The following KCNQ3 variants were observed in gnomAD, a reference collection of about 807,000 sequenced individuals.
KCNQ3 encodes the protein potassium voltage-gated channel subfamily Q member 3, also known as potassium voltage-gated channel subfamily KQT member 3.
In KCNQ3, 30 loss-of-function variants were observed where a neutral mutation model predicts 92.5. That is an observed-to-expected ratio of 0.32 (90% confidence interval 0.24 to 0.44). The LOEUF (loss-of-function observed/expected upper bound fraction) is 0.44, where lower values mean the gene tolerates loss of function less well. KCNQ3 is among the 20% of genes least tolerant of loss of function. The pLI, the probability that KCNQ3 is intolerant of heterozygous loss-of-function variation, is 1.00. For missense variants in KCNQ3, 913 were observed against 1,140.3 expected (o/e 0.80, Z 2.87); for synonymous variants, 450 against 468.8 (o/e 0.96, Z 0.52).
intron 1 of KCNQ3, among the ~76,000 whole-genome samples, chr8:132,474,669 C>T (rs1402011221): frequency 2.0e-5 from 3 of 152,120 alleles, no homozygotes; most frequent in Non-Finnish European, 2.9e-5. Context: ...TCAGCAAATG[C>T]TTACTTAGTA....
chr8:132,443,923 C>T (rs1219496021), intron 1 of KCNQ3, among the ~76,000 whole-genome samples: 1 of 152,168 alleles, frequency 6.6e-6, no homozygotes, highest in African/African-American at 2.4e-5. Flanking sequence ...TTGTTCTCAG[C>T]ACTTTATAAA....
intron 1 of KCNQ3, among the ~76,000 whole-genome samples, chr8:132,302,765 C>T (rs996611393): frequency 2.6e-5 from 4 of 152,302 alleles, no homozygotes; most frequent in Non-Finnish European, 5.9e-5. Flanking sequence ...GATGTTGAGT[C>T]ATAATGGCTC....
intron 1 of KCNQ3, among the ~76,000 whole-genome samples, chr8:132,404,450 A>G (rs562320560): frequency 6.2e-4 from 95 of 152,364 alleles, no homozygotes; most frequent in African/African-American, 2.2e-3. Context: ...GAAAGTATCC[A>G]AGATAATCAG....
At chr8:132,351,188 C>T (rs1818852763) in intron 1 of KCNQ3, among the ~76,000 whole-genome samples, 2 of 152,184 alleles carry the variant, frequency 1.3e-5, no homozygotes, top group South Asian at 4.1e-4. Flanking sequence ...AATCCTCAAT[C>T]CCCAAGGCTG....
chr8:132,348,690 A>T (rs940663313), intron 1 of KCNQ3, among the ~76,000 whole-genome samples: 1 of 152,200 alleles, frequency 6.6e-6, no homozygotes, highest in Admixed American at 6.5e-5. Context: ...GGGCTCTGTC[A>T]TCTGATTCCA....
chr8:132,415,005 G>A (rs181955688), intron 1 of KCNQ3, among the ~76,000 whole-genome samples: 20 of 152,332 alleles, frequency 1.3e-4, no homozygotes, highest in African/African-American at 4.8e-4. Flanking sequence ...AGAGACACTT[G>A]GCAGTTATCG....
intron 1 of KCNQ3, among the ~76,000 whole-genome samples, chr8:132,214,522 G>C (rs1401710540): frequency 1.3e-5 from 2 of 152,152 alleles, no homozygotes; most frequent in African/African-American, 4.8e-5. Context: ...CTGCCTGTTT[G>C]TTCACCCTTG....
At chr8:132,257,457 C>G (rs930404844) in intron 1 of KCNQ3, among the ~76,000 whole-genome samples, 1 of 151,938 alleles carries the variant, frequency 6.6e-6, no homozygotes, top group Non-Finnish European at 1.5e-5. Context: ...ATAAGAGACA[C>G]AGTTTAGGCC....
At chr8:132,403,498 T>G (rs990760417) in intron 1 of KCNQ3, among the ~76,000 whole-genome samples, 1 of 152,196 alleles carries the variant, frequency 6.6e-6, no homozygotes, top group Admixed American at 6.5e-5. Flanking sequence ...ATTGGGGTGT[T>G]AAGCAGCATG....
At chr8:132,212,116 C>G (rs1255218170) in intron 1 of KCNQ3, among the ~76,000 whole-genome samples, 1 of 152,092 alleles carries the variant, frequency 6.6e-6, no homozygotes, top group Non-Finnish European at 1.5e-5. Context: ...GTGCTAAACA[C>G]AGAGCAGGTG....
At position 132,480,688 on chromosome 8, in the gene KCNQ3, G is replaced by A. The variant is rs886062699; in HGVS notation, c.-156C>T. ...CCTCCCCACCCCCCCCCAAAAGCAGGCAAAGGCGGGCCCCCTGGGGGGCAG... is the reference window on the plus strand; with the variant it reads ...CCTCCCCACCCCCCCCCAAAAGCAGACAAAGGCGGGCCCCCTGGGGGGCAG... On this transcript the variant is annotated 5_prime_UTR_variant, in exon 1 of 15. Coordinates refer to ENST00000388996, the MANE Select transcript of KCNQ3 (RefSeq NM_004519.4). 24 of 765,400 alleles carry A rather than the reference G, an allele frequency of 3.1e-5. No individual in the cohort carries two copies. Among genetic ancestry groups the A allele is most frequent in the Non-Finnish European group, 3.6e-5 (23 of 630,730 alleles). The allele number at this position is 765,400 out of a possible 1,614,324, so 47.4% of individuals were successfully genotyped here.
chr8:132,456,991 A>G (rs565111098), intron 1 of KCNQ3, among the ~76,000 whole-genome samples: 3 of 152,348 alleles, frequency 2.0e-5, no homozygotes, highest in Admixed American at 6.5e-5. Context: ...AGCCTCCTAC[A>G]TATGTATTTT....
intron 1 of KCNQ3, among the ~76,000 whole-genome samples, chr8:132,215,563 C>T (rs1814001559): frequency 6.6e-6 from 1 of 152,208 alleles, no homozygotes; most frequent in Non-Finnish European, 1.5e-5. Context: ...GCTGTCCATG[C>T]TCTGCCCCAT....
chr8:132,231,695 T>C (rs145603902), intron 1 of KCNQ3, among the ~76,000 whole-genome samples: 2 of 152,370 alleles, frequency 1.3e-5, no homozygotes, highest in East Asian at 3.9e-4. Context: ...TAAATTTCTG[T>C]TGTTTAAGCC....
intron 1 of KCNQ3, among the ~76,000 whole-genome samples, chr8:132,286,771 T>C (rs1816690175): frequency 6.6e-6 from 1 of 152,232 alleles, no homozygotes; most frequent in Admixed American, 6.5e-5. Flanking sequence ...GGGAGGTAGT[T>C]CTTTTAAGAG....
chr8:132,167,962 A>G (rs934336383), intron 8 of KCNQ3, among the ~76,000 whole-genome samples: 1 of 152,224 alleles, frequency 6.6e-6, no homozygotes, highest in Non-Finnish European at 1.5e-5. Flanking sequence ...TGCTATCCCA[A>G]ATCTTCAATG....
chr8:132,177,824 TGGTGATTTCCTTGGGGAA>T (rs1430247826), intron 4 of KCNQ3, among the ~76,000 whole-genome samples: 1 of 152,234 alleles, frequency 6.6e-6, no homozygotes, highest in African/African-American at 2.4e-5. Flanking sequence ...CCAGTACTCT[TGGTGATTTCCTTGGGGAA>T]GAGCTTCCTC....
chr8:132,214,924 C>T (rs552091912), intron 1 of KCNQ3, among the ~76,000 whole-genome samples: 7 of 152,370 alleles, frequency 4.6e-5, no homozygotes, highest in African/African-American at 1.7e-4. Context: ...CAATCAACTC[C>T]TGCCAGGGCT....
intron 1 of KCNQ3, among the ~76,000 whole-genome samples, chr8:132,306,718 G>T (rs544782786): frequency 6.6e-6 from 1 of 152,132 alleles, no homozygotes; most frequent in African/African-American, 2.4e-5. Flanking sequence ...AGGATGTAGC[G>T]GTAAACTTAG....
Sources: allele counts gnomAD v4.1 joint callset (sites outside exome capture counted in the v4.1 genomes callset), GRCh38; gene constraint gnomAD v4.1.1; transcripts MANE v1.5; gene names NCBI Gene and HGNC (gene_info 2026-07-23, HGNC 2026-07-21).